Variants in TNKS observed in about 807,000 individuals in gnomAD.
TNKS encodes poly [ADP-ribose] polymerase tankyrase-1.
In TNKS, 72 loss-of-function variants were observed where a neutral mutation model predicts 135.8. The observed-to-expected ratio is 0.53, with a 90% CI of 0.44 to 0.64. The LOEUF is 0.64. TNKS is among the 30% of genes least tolerant of loss of function. The pLI is 0.00. For synonymous variants in TNKS, 849 were observed against 649.3 expected (o/e 1.31, Z -4.68); for missense variants, 1,769 against 1,674.0 (o/e 1.06, Z -0.99).
In TNKS at chr8:9,734,006, C is replaced by T. The variant is rs191286510; in HGVS notation, c.2313+562C>T. ...TCACTTAAAGTATATTTTTAAAAAA[C>T]GACCAGATGTGTATTTATGAGATTT... On this transcript the variant is annotated intron_variant, in intron 15 of 26. Coordinates refer to ENST00000310430, the MANE Select transcript of TNKS (RefSeq NM_003747.3). Among the ~76,000 whole-genome samples, 266 of 151,998 alleles carry T rather than the reference C, an allele frequency of 1.8e-3. 1 individual carries two copies. Among genetic ancestry groups the T allele is most frequent in the African/African-American group, 5.8e-3 (242 of 41,494 alleles).
In TNKS at chr8:9,763,063, A is replaced by T. The variant is rs986541635; in HGVS notation, c.3275-84A>T. 123 of 363,362 alleles carry T rather than the reference A, an allele frequency of 3.4e-4. 1 individual carries two copies. In the South Asian group the frequency reaches 9.7e-3, roughly 29 times the overall value. 22.5% of individuals were successfully genotyped at this position (363,362 alleles called of 1,614,324 possible). A position where few individuals can be genotyped will look rare whatever the true frequency, so the allele number is the denominator to read the frequency against. On this transcript the variant is annotated intron_variant, in intron 21 of 26. Transcript: ENST00000310430. ...CCAAAACCTCAATTACTTATTATGA[A>T]TTTTTTTTTTTTTTTTTTTTTTATA...
intron 2 of TNKS, among the ~76,000 whole-genome samples, chr8:9,582,525 C>T (rs368055135): frequency 4.6e-4 from 70 of 152,184 alleles, no homozygotes; most frequent in African/African-American, 1.6e-3. Context: ...ACATTACCAC[C>T]AGCTTACAGG....
intron 1 of TNKS, among the ~76,000 whole-genome samples, chr8:9,576,573 C>G (rs932987875): frequency 2.6e-5 from 4 of 151,486 alleles, no homozygotes; most frequent in Non-Finnish European, 4.4e-5. Context: ...CTGTTGCCAC[C>G]TACTTTTAAA....
In TNKS at chr8:9,708,405, C is replaced by G; in HGVS notation, c.1491C>G (p.Ala497=). 1 of 1,608,222 alleles carries G rather than the reference C, an allele frequency of 6.2e-7. No individual in the cohort carries two copies. Among genetic ancestry groups the G allele is most frequent in the South Asian group, 1.1e-5 (1 of 89,990 alleles). The change falls in exon 9 of 27, where the codon GCC becomes GCG. Residue 497 remains alanine (A), a synonymous_variant. Coordinates refer to ENST00000310430, the MANE Select transcript of TNKS (RefSeq NM_003747.3). ...EFKGHSLLQA[A]READLAKVKK... The stretch of plus-strand genomic sequence containing the variant: ...AAGGTCATTCTTTACTACAAGCAGC[C>G]AGAGAAGCAGACTTAGCTAAAGTTA...
chr8:9,758,578 A>T (rs1262434833), intron 20 of TNKS, among the ~76,000 whole-genome samples: 5 of 152,198 alleles, frequency 3.3e-5, no homozygotes, highest in African/African-American at 4.8e-5. Context: ...GTATGTCAAC[A>T]ATCTAAGCAT....
At chr8:9,759,782 G>T (rs895631341) in intron 20 of TNKS, among the ~76,000 whole-genome samples, 2 of 152,034 alleles carry the variant, frequency 1.3e-5, no homozygotes, top group Admixed American at 6.5e-5. Flanking sequence ...AGACCATCCT[G>T]GCTAACACGG....
chr8:9,637,233 C>G (rs1335564119), intron 3 of TNKS, among the ~76,000 whole-genome samples: 3 of 152,122 alleles, frequency 2.0e-5, no homozygotes, highest in African/African-American at 7.2e-5. Flanking sequence ...TGTAGACTGT[C>G]CATTGATTTG....
rs537978197 is a variant in TNKS at position 9,597,118 on chromosome 8, T to G, written c.898+16735T>G. 4.4e-4 allele frequency among the ~76,000 whole-genome samples: 67 copies of G among 152,368 alleles called. 1 individual carries two copies. In the South Asian group the frequency reaches 0.013, roughly 30 times the overall value. On this transcript the variant is annotated intron_variant, in intron 2 of 26. Transcript: ENST00000310430. ...TTAAGATAGCAAATAAGTGCTTGGCTTTACAATTAAGTATGAATTGCAATG... is the reference window on the plus strand; with the variant it reads ...TTAAGATAGCAAATAAGTGCTTGGCGTTACAATTAAGTATGAATTGCAATG...
chr8:9,631,444 G>T (rs542923609), intron 3 of TNKS, among the ~76,000 whole-genome samples: 3 of 152,222 alleles, frequency 2.0e-5, no homozygotes, highest in Non-Finnish European at 2.9e-5. Context: ...GAAGCCATTG[G>T]TAATTATTCT....
intron 17 of TNKS, among the ~76,000 whole-genome samples, chr8:9,746,395 T>A (rs1409056025): frequency 6.6e-6 from 1 of 152,224 alleles, no homozygotes; most frequent in Non-Finnish European, 1.5e-5. Context: ...AGCCTTTTGC[T>A]ATGTGGAGCT....
chr8:9,718,901 CAAT>C (rs1465408984), intron 11 of TNKS, among the ~76,000 whole-genome samples: 2 of 152,146 alleles, frequency 1.3e-5, no homozygotes, highest in Admixed American at 1.3e-4. Flanking sequence ...TCCCATGCTT[CAAT>C]AAGTTGGATT....
At chr8:9,647,438 G>A (rs1205707732) in intron 3 of TNKS, among the ~76,000 whole-genome samples, 1 of 152,082 alleles carries the variant, frequency 6.6e-6, no homozygotes, top group Non-Finnish European at 1.5e-5. Context: ...TTTTAGTCTA[G>A]GCCATATGCT....
At chr8:9,732,397 A>G (rs1805489494) in intron 14 of TNKS, among the ~76,000 whole-genome samples, 1 of 152,194 alleles carries the variant, frequency 6.6e-6, no homozygotes, top group Non-Finnish European at 1.5e-5. Context: ...GTGTAATTAC[A>G]TACAAGTGCA....
intron 26 of TNKS, among the ~76,000 whole-genome samples, chr8:9,772,163 G>C (rs368142567): frequency 6.7e-6 from 1 of 150,316 alleles, no homozygotes; most frequent in Non-Finnish European, 1.5e-5. Context: ...TATTAGACCA[G>C]GCAAGAATTA....
intron 17 of TNKS, among the ~76,000 whole-genome samples, chr8:9,744,619 GT>G (rs1806141578): frequency 6.6e-6 from 1 of 152,124 alleles, no homozygotes. Context: ...ACAGAGATCA[GT>G]TTCTTTTCTG....
chr8:9,745,657 G>C (rs564247555), intron 17 of TNKS, among the ~76,000 whole-genome samples: 1 of 151,976 alleles, frequency 6.6e-6, no homozygotes, highest in Non-Finnish European at 1.5e-5. Flanking sequence ...TGCTGGCCTC[G>C]GCCTCCCAAA....
chr8:9,648,653 C>T (rs536818507), intron 3 of TNKS, among the ~76,000 whole-genome samples: 33 of 152,226 alleles, frequency 2.2e-4, no homozygotes, highest in Non-Finnish European at 1.8e-4. Flanking sequence ...TCACTACAAA[C>T]GTGAGTAATG....
At chr8:9,765,953 C>G (rs1254934117) in intron 24 of TNKS, among the ~76,000 whole-genome samples, 156 bp downstream of exon 24, 3 of 152,156 alleles carry the variant, frequency 2.0e-5, no homozygotes, top group African/African-American at 7.2e-5. Context: ...TACCAGCTTT[C>G]TAATGTATCA....
At chr8:9,600,632 A>G (rs954653870) in intron 2 of TNKS, among the ~76,000 whole-genome samples, 4 of 152,166 alleles carry the variant, frequency 2.6e-5, no homozygotes, top group Non-Finnish European at 2.9e-5. Context: ...TTTTTAAAAA[A>G]GAAATGCAGT....
Sources: gnomAD v4.1 joint callset for allele counts (sites outside exome capture counted in the v4.1 genomes callset) on GRCh38, gnomAD v4.1.1 for gene constraint, MANE v1.5 for transcripts, NCBI Gene and HGNC (gene_info 2026-07-23, HGNC 2026-07-21) for gene names.